PDE4D: variants seen among roughly 807,000 people sequenced by gnomAD.
PDE4D encodes the protein phosphodiesterase 4D.
In PDE4D, 24 loss-of-function variants were observed where a neutral mutation model predicts 87.4. The ratio of observed to expected loss-of-function variants is 0.27; its 90% CI spans 0.20 to 0.39. The LOEUF is 0.39. PDE4D is among the 10% of genes least tolerant of loss of function. The pLI, the probability that PDE4D is intolerant of heterozygous loss-of-function variation, is 1.00. For missense variants in PDE4D, 714 were observed against 1,041.0 expected, an observed-to-expected ratio of 0.69 and a Z score of 4.32; for synonymous variants, 384 against 383.2, an observed-to-expected ratio of 1.00 and a Z score of -0.02.
At chr5:59,411,037 C>T (rs1167863772) in intron 1 of PDE4D, among the ~76,000 whole-genome samples, 1 of 152,106 alleles carries the variant, frequency 6.6e-6, no homozygotes, top group Non-Finnish European at 1.5e-5. Context: ...AATTTCCATT[C>T]TAATGAGGAT....
Position 59,215,951 on chromosome 5 carries a change from C to T in PDE4D, c.473G>A (p.Gly158Asp), listed in dbSNP as rs2153506229. 2 of 1,610,782 alleles carry T rather than the reference C, an allele frequency of 1.2e-6. No homozygotes were observed. Among genetic ancestry groups the T allele is most frequent in the Non-Finnish European group, 1.7e-6 (2 of 1,177,608 alleles). Reference protein sequence around the residue: ...QGLRRFDVDNGTSAGRSPLDP... With the variant: ...QGLRRFDVDNDTSAGRSPLDP... ...CAAGGGACTCCGTCCCGCAGATGTG[C>T]CATTGTCCACATCAAAACTGTAAAG... Residue 158 changes from glycine to aspartate, a missense_variant, in exon 2 of 15, where the codon GGC becomes GAC. This residue lies in a region of PDE4D where 268 missense variants were observed against 272.9 expected (regional missense o/e 0.98). Coordinates refer to ENST00000340635, the MANE Select transcript of PDE4D (RefSeq NM_001104631.2).
At chr5:59,732,305 A>G (rs1225277524) in intron 1 of PDE4D, among the ~76,000 whole-genome samples, 1 of 151,922 alleles carries the variant, frequency 6.6e-6, no homozygotes, top group Non-Finnish European at 1.5e-5. Context: ...AAACCTGTAC[A>G]TTAATCTATG....
At chr5:59,777,753 ATAT>A (rs1208940364) in intron 1 of PDE4D, among the ~76,000 whole-genome samples, 3 of 152,240 alleles carry the variant, frequency 2.0e-5, no homozygotes, top group Admixed American at 2.0e-4. Context: ...TTCACTGCTG[ATAT>A]TATAATAAAT....
At chr5:60,126,928 C>T (rs929382694) in intron 2 of PDE4D, among the ~76,000 whole-genome samples, 1 of 152,160 alleles carries the variant, frequency 6.6e-6, no homozygotes, top group Non-Finnish European at 1.5e-5. Flanking sequence ...TATACATTTA[C>T]TCATATCTGA....
chr5:59,021,635 A>G (rs1234845831), intron 6 of PDE4D, among the ~76,000 whole-genome samples: 1 of 152,114 alleles, frequency 6.6e-6, no homozygotes, highest in Admixed American at 6.6e-5. Flanking sequence ...GTTAGTCCTG[A>G]TTTACAGGGA....
chr5:59,167,063 G>A (rs989821426), intron 5 of PDE4D, among the ~76,000 whole-genome samples: 4 of 152,144 alleles, frequency 2.6e-5, no homozygotes, highest in African/African-American at 4.8e-5. Context: ...CCCAGACACC[G>A]TGCTAATTTT....
At chr5:60,239,411 C>T (rs1407652347) in intron 1 of PDE4D, among the ~76,000 whole-genome samples, 3 of 152,080 alleles carry the variant, frequency 2.0e-5, no homozygotes, top group Non-Finnish European at 4.4e-5. Context: ...ATGACTGACG[C>T]TTAGCTCTTT....
At position 58,973,242 on chromosome 5, in the gene PDE4D, T is replaced by C. The variant is rs1459439862; in HGVS notation, c.*1422A>G. The C allele has an allele frequency of 2.0e-5, 3 of 152,230 alleles. No homozygotes were observed. The highest frequency in any genetic ancestry group is 1.3e-4 in the Admixed American group (2 of 15,282). The allele number at this position is 152,230 out of a possible 1,614,324, so 9.4% of individuals were successfully genotyped here. On this transcript the variant is annotated 3_prime_UTR_variant, in exon 15 of 15. Transcript: ENST00000340635. ...AACCAAGAGTAAAAGCTAGTCATGA[T>C]ATACAACCTCGTGGTTGAAATGAAT...
rs183972219 is a variant in PDE4D at position 59,439,314 on chromosome 5, C to T, written c.456-223346G>A. The stretch of plus-strand genomic sequence containing the variant: ...GCCAGAGGTTGCAGTGAGTGAAGAT[C>T]GTGCCACTGCACTCCAACCTGGGTG... On this transcript the variant is annotated intron_variant, in intron 1 of 14. Transcript: ENST00000340635. 1.5e-3 allele frequency among the ~76,000 whole-genome samples: 224 copies of T among 146,204 alleles called. 1 individual carries two copies. The highest frequency in any genetic ancestry group is 4.4e-3 in the African/African-American group (170 of 38,570).
At chr5:59,039,136 C>T in intron 5 of PDE4D, 165 bp from the exon 6 acceptor site, 2 of 1,356,838 alleles carry the variant, frequency 1.5e-6, no homozygotes, top group Non-Finnish European at 9.5e-7. Flanking sequence ...GCAACGGGGG[C>T]GGAGGCTGTG....
chr5:60,333,477 T>C (rs1254145159), intron 1 of PDE4D, among the ~76,000 whole-genome samples: 1 of 152,114 alleles, frequency 6.6e-6, no homozygotes, highest in East Asian at 1.9e-4. Flanking sequence ...CTCTCTCTGG[T>C]TTTAGCTCCG....
intron 5 of PDE4D, among the ~76,000 whole-genome samples, chr5:59,171,231 C>T (rs1006923139): frequency 6.6e-6 from 1 of 152,102 alleles, no homozygotes; most frequent in African/African-American, 2.4e-5. Context: ...TCTAATCAAC[C>T]CCCAAGTCCC....
chr5:59,917,852 T>C, intron 3 of PDE4D, among the ~76,000 whole-genome samples: 1 of 152,200 alleles, frequency 6.6e-6, no homozygotes, highest in South Asian at 2.1e-4. Context: ...ATAGATTTTG[T>C]TATATAAAAA....
At chr5:60,080,046 T>C (rs1773754986) in intron 2 of PDE4D, among the ~76,000 whole-genome samples, 1 of 152,242 alleles carries the variant, frequency 6.6e-6, no homozygotes, top group Non-Finnish European at 1.5e-5. Context: ...TCCTCTCTTA[T>C]TTCCTTGAGC....
At chr5:58,991,076 T>C (rs1433708236) in intron 8 of PDE4D, among the ~76,000 whole-genome samples, 174 bp from the exon 9 acceptor site, 7 of 151,396 alleles carry the variant, frequency 4.6e-5, no homozygotes, top group Admixed American at 4.6e-4. Context: ...AGGTCAGGAG[T>C]TTGAAACCAG....
intron 1 of PDE4D, among the ~76,000 whole-genome samples, chr5:59,612,803 A>T (rs1829173382): frequency 6.6e-6 from 1 of 152,170 alleles, no homozygotes; most frequent in Non-Finnish European, 1.5e-5. Flanking sequence ...TTCTGGCTGA[A>T]GGACTTGAGA....
chr5:59,829,588 C>T (rs1266215040), intron 1 of PDE4D, among the ~76,000 whole-genome samples: 2 of 151,954 alleles, frequency 1.3e-5, no homozygotes, highest in Non-Finnish European at 2.9e-5. Flanking sequence ...TGGTTAACCA[C>T]AAAGAACTAA....
chr5:59,661,001 G>C (rs181614865), intron 1 of PDE4D, among the ~76,000 whole-genome samples: 51 of 150,842 alleles, frequency 3.4e-4, no homozygotes, highest in Admixed American at 2.7e-3. Context: ...AAGGATACAG[G>C]AGAAAGGGTG....
chr5:60,491,352 A>C (rs1469339498), upstream of PDE4D: 1 of 152,200 alleles, frequency 6.6e-6, no homozygotes, highest in African/African-American at 2.4e-5. Context: ...AATGGACCTC[A>C]AAATTTGCTC....
Sources: allele counts gnomAD v4.1 joint callset (sites outside exome capture counted in the v4.1 genomes callset), GRCh38; gene constraint gnomAD v4.1.1; regional missense constraint gnomAD v4.1.1; transcripts MANE v1.5; gene names NCBI Gene and HGNC (gene_info 2026-07-23, HGNC 2026-07-21).